The following FRMD1 variants were observed in gnomAD, a reference collection of about 807,000 sequenced individuals.
The protein encoded by FRMD1 is FERM domain-containing protein 1.
FRMD1 carries 51 observed loss-of-function variants against 54.9 expected under a neutral mutation model. The observed-to-expected ratio is 0.93, with a 90% confidence interval of 0.74 to 1.17. The LOEUF is 1.17. FRMD1 is among the 50% of genes most tolerant of loss of function. FRMD1 has a pLI of 0.00. For synonymous variants in FRMD1, 324 were observed against 306.4 expected (o/e 1.06, Z -0.60); for missense variants, 729 against 743.0 (o/e 0.98, Z 0.22).
chr6:168,080,240 C>G (rs1052793756), upstream of FRMD1, among the ~76,000 whole-genome samples: 1 of 152,114 alleles, frequency 6.6e-6, no homozygotes, highest in Non-Finnish European at 1.5e-5. Context: ...GCTTAGGCCT[C>G]ACCTCCCCCG....
intron 10 of FRMD1, among the ~76,000 whole-genome samples, chr6:168,058,207 G>A (rs1335037092): frequency 2.8e-5 from 4 of 143,676 alleles, no homozygotes; most frequent in Middle Eastern, 4.0e-3. Context: ...CCAGCCTCCC[G>A]TGCCCAGCCC....
At chr6:168,089,858 C>G (rs1360511090) in intron 1 of FRMD1, among the ~76,000 whole-genome samples, 1 of 152,220 alleles carries the variant, frequency 6.6e-6, no homozygotes, top group African/African-American at 2.4e-5. Context: ...GCAGTGAGAA[C>G]AGACGCTCCC....
At position 168,087,112 on chromosome 6, in the gene FRMD1, G is replaced by A. The variant is rs141430968; in HGVS notation, c.-11-8088C>T. On this transcript the variant is annotated intron_variant, in intron 1 of 12. Coordinates refer to the FRMD1 transcript ENST00000644440. ...ATGTGGTGTCTTGCTCTGTTGCCCA[G>A]GCTGGAATGCAGTGGTGTGGGCTTG... is the stretch of plus-strand genomic sequence containing the variant. 3.3e-3 allele frequency among the ~76,000 whole-genome samples: 496 copies of A among 152,032 alleles called. 3 individuals are homozygous for A. Among genetic ancestry groups the A allele is most frequent in the African/African-American group, 0.011 (475 of 41,462 alleles).
chr6:168,087,161 G>A (rs925416465), intron 1 of FRMD1, among the ~76,000 whole-genome samples: 2 of 151,766 alleles, frequency 1.3e-5, no homozygotes, highest in African/African-American at 4.8e-5. Flanking sequence ...CCTGCCTCCT[G>A]GCTCAAGCGA....
chr6:168,080,577 G>GT (rs1347469970), upstream of FRMD1, among the ~76,000 whole-genome samples: 9 of 152,210 alleles, frequency 5.9e-5, no homozygotes, highest in Non-Finnish European at 1.5e-5. Context: ...CAGTGCCGGC[G>GT]TATCAGGAAG....
intron 10 of FRMD1, chr6:168,057,735 C>T: frequency 4.7e-6 from 1 of 214,006 alleles, no homozygotes; most frequent in South Asian, 6.9e-5. Flanking sequence ...TGTCTGGGTT[C>T]AGAGGTGACT....
chr6:168,091,235 G>C (rs1173777226), intron 1 of FRMD1, among the ~76,000 whole-genome samples: 1 of 152,212 alleles, frequency 6.6e-6, no homozygotes, highest in Non-Finnish European at 1.5e-5. Context: ...CCCGGGGCTG[G>C]AGACCCTGCA....
intron 4 of FRMD1, 93 bp from the exon 5 acceptor site, chr6:168,065,150 A>G: frequency 6.8e-7 from 1 of 1,473,942 alleles, no homozygotes; most frequent in Non-Finnish European, 9.0e-7. Flanking sequence ...ACCAGCTCCC[A>G]GGGCTGTCCT....
At chr6:168,082,365 C>A (rs1800848583), upstream of FRMD1, among the ~76,000 whole-genome samples, 1 of 152,190 alleles carries the variant, frequency 6.6e-6, no homozygotes, top group African/African-American at 2.4e-5. Context: ...CACCATCGAG[C>A]CTGTACTCTG....
rs562314160 is a variant in FRMD1, at chr6:168,092,474, G to A, written c.-12+8951C>T. Among the ~76,000 whole-genome samples, 5 of 152,062 alleles carry A rather than the reference G, an allele frequency of 3.3e-5. 1 individual carries two copies. The South Asian group carries it at 6.2e-4, about 19-fold the overall frequency. On this transcript the variant is annotated intron_variant, in intron 1 of 12. Transcript: ENST00000644440. ...AATGGGATTAGTGCCCTGTATAAGA[G>A]AGACCCTCCGCCCCTCCATCATGTG...
intron 10 of FRMD1, 44 bp from the exon 11 acceptor site, chr6:168,057,383 C>A: frequency 6.3e-7 from 1 of 1,591,956 alleles, no homozygotes; most frequent in Non-Finnish European, 8.5e-7. Flanking sequence ...CCCCCTCTCA[C>A]TCCCACCACC....
intron 10 of FRMD1, 93 bp from the exon 11 acceptor site, chr6:168,057,432 A>C (rs1583161589): frequency 6.5e-7 from 1 of 1,537,370 alleles, no homozygotes; most frequent in Non-Finnish European, 8.7e-7. Context: ...ACAGAGCCAC[A>C]CTCCCTGCCA....
At chr6:168,084,382 T>C (rs927172138), upstream of FRMD1, among the ~76,000 whole-genome samples, 4 of 152,216 alleles carry the variant, frequency 2.6e-5, no homozygotes, top group African/African-American at 9.7e-5. Flanking sequence ...GTTAAACACA[T>C]TAACTGCTGA....
intron 1 of FRMD1, among the ~76,000 whole-genome samples, chr6:168,092,554 C>T (rs964549655): frequency 2.0e-5 from 3 of 152,112 alleles, no homozygotes; most frequent in East Asian, 1.9e-4. Flanking sequence ...GGGATTAGTG[C>T]CCTTTATCAG....
chr6:168,067,204 C>A, intron 3 of FRMD1, 163 bp downstream of exon 3: 2 of 657,104 alleles, frequency 3.0e-6, no homozygotes, highest in South Asian at 3.3e-5. Flanking sequence ...CCCACGCATC[C>A]CACCACTGTC....
intron 2 of FRMD1, among the ~76,000 whole-genome samples, chr6:168,073,573 C>T (rs1800415474): frequency 2.0e-5 from 3 of 152,090 alleles, no homozygotes; most frequent in African/African-American, 7.3e-5. Flanking sequence ...AAGGAGGAGA[C>T]TGAGACAGGG....
intron 6 of FRMD1, 99 bp downstream of exon 6, chr6:168,063,502 C>T: frequency 7.4e-7 from 1 of 1,355,594 alleles, no homozygotes; most frequent in Non-Finnish European, 9.7e-7. Context: ...CTCCATCCAT[C>T]CCTGCCCTGG....
At position 168,078,912 on chromosome 6, in the gene FRMD1, G is replaced by A; in HGVS notation, c.183C>T (p.Pro61=). 6.2e-7 allele frequency: 1 copy of A among 1,600,316 alleles called. No homozygotes were observed. Among genetic ancestry groups the A allele is most frequent in the Non-Finnish European group, 8.5e-7 (1 of 1,176,218 alleles). The change falls in exon 1 of 11, where the codon CCC becomes CCT. Residue 61 remains proline (P), a synonymous_variant. Transcript: ENST00000283309. ...SEHRDVLVLL[P]SREQLRLAVG... ...CGGCCAGCCGCAGTTGCTCCCGGCT[G>A]GGCAGCAGCACGAGGACATCCCTGT...
Position 168,056,436 on chromosome 6 carries a change from G to C in FRMD1, c.*661C>G, listed in dbSNP as rs1799406970. On this transcript the variant is annotated 3_prime_UTR_variant, in exon 11 of 11. Coordinates refer to ENST00000283309, the MANE Select transcript of FRMD1 (RefSeq NM_024919.6). Reference sequence around the variant, plus strand: ...AGTCGGCTTCAGCTCCGGGGCAGTGGGGTCTTTGGAAGCCCTGGCTTGGAA... The same window carrying C: ...AGTCGGCTTCAGCTCCGGGGCAGTGCGGTCTTTGGAAGCCCTGGCTTGGAA... 6.6e-6 allele frequency: 1 copy of C among 152,558 alleles called. No individual in the cohort carries two copies. The highest frequency in any genetic ancestry group is 6.5e-5 in the Admixed American group (1 of 15,290). The allele number at this position is 152,558 out of a possible 1,614,324, so 9.5% of individuals were successfully genotyped here.
Sources: gnomAD v4.1 joint callset for allele counts (sites outside exome capture counted in the v4.1 genomes callset) on GRCh38, gnomAD v4.1.1 for gene constraint, MANE v1.5 for transcripts, NCBI Gene and HGNC (gene_info 2026-07-23, HGNC 2026-07-21) for gene names.